The following MECR variants were observed in gnomAD, a reference collection of about 807,000 sequenced individuals.
The protein encoded by MECR is mitochondrial trans-2-enoyl-CoA reductase.
MECR carries 37 observed loss-of-function variants against 49.1 expected under a neutral mutation model. That is an observed-to-expected ratio of 0.75 (90% CI 0.58 to 0.99). MECR has a LOEUF of 0.99. Among genes scored for constraint, MECR ranks in the 50% least tolerant of loss-of-function variants. MECR has a pLI of 0.00. For missense variants in MECR, 470 were observed against 479.6 expected, an observed-to-expected ratio of 0.98 and a Z score of 0.19; for synonymous variants, 198 against 191.1, an observed-to-expected ratio of 1.04 and a Z score of -0.30.
At chr1:29,208,430 G>A (rs1294992759) in intron 3 of MECR, among the ~76,000 whole-genome samples, 2 of 152,216 alleles carry the variant, frequency 1.3e-5, no homozygotes, top group Non-Finnish European at 2.9e-5. Context: ...AATAGCACAG[G>A]CAAGAACAGC....
chr1:29,206,777 C>A lies in MECR; in HGVS notation c.535G>T (p.Glu179Ter). 6.2e-7 allele frequency: 1 copy of A among 1,614,030 alleles called. No homozygotes were observed. Among genetic ancestry groups the A allele is most frequent in the South Asian group, 1.1e-5 (1 of 91,066 alleles). ...GGGTTCCTACCTGGCTGCAGTTGCT[C>A]GAAGTCCATCAACATCCTGTAGGCT... ...CTAYRMLMDF[E>*]QLQPGDSVIQ... The change falls in exon 4 of 10, where the codon GAG becomes TAG. Residue 179 changes from glutamate to a stop codon, truncating the protein, a stop_gained. Transcript: ENST00000263702. LOFTEE classifies it high-confidence loss of function.
chr1:29,210,699 T>G (rs1344955824), intron 3 of MECR, among the ~76,000 whole-genome samples: 1 of 152,152 alleles, frequency 6.6e-6, no homozygotes, highest in South Asian at 2.1e-4. Flanking sequence ...GGGTTTCAAG[T>G]AGAACTCTTA....
At chr1:29,211,864 A>G (rs988646987) in intron 3 of MECR, among the ~76,000 whole-genome samples, 2 of 152,204 alleles carry the variant, frequency 1.3e-5, no homozygotes, top group African/African-American at 4.8e-5. Flanking sequence ...AAGGCTGGCT[A>G]TGGGCTTAGC....
At chr1:29,213,842 G>A (rs985502078) in intron 3 of MECR, among the ~76,000 whole-genome samples, 2 of 152,214 alleles carry the variant, frequency 1.3e-5, no homozygotes, top group African/African-American at 4.8e-5. Flanking sequence ...ATCTCATGTT[G>A]TGGGAACAAT....
At chr1:29,200,978 A>G (rs1188147196) in intron 6 of MECR, among the ~76,000 whole-genome samples, 10 of 152,098 alleles carry the variant, frequency 6.6e-5, no homozygotes, top group Admixed American at 6.6e-4. Context: ...GTTTTTTTGT[A>G]GAGACAGAGG....
intron 7 of MECR, among the ~76,000 whole-genome samples, chr1:29,199,619 CTTTTT>C (rs909108578): frequency 2.0e-5 from 3 of 149,744 alleles, no homozygotes; most frequent in African/African-American, 7.4e-5. Flanking sequence ...TGATAGGTAA[CTTTTT>C]TTTTTCTTTT....
intron 4 of MECR, 70 bp from the exon 5 acceptor site, chr1:29,203,303 G>C (rs1187351419): frequency 2.3e-5 from 30 of 1,282,266 alleles, no homozygotes; most frequent in Non-Finnish European, 2.6e-5. Context: ...CTCCCAGCCG[G>C]GGATCCTTCT....
At chr1:29,179,298 A>G in the MECR span, among the ~76,000 whole-genome samples, 11 of 152,336 alleles carry the variant, frequency 7.2e-5, no homozygotes, top group African/African-American at 2.6e-4. Context: ...CATGTCTTCA[A>G]CACCAATTAT....
At chr1:29,229,205 ATT>A (rs35185139) in intron 1 of MECR, among the ~76,000 whole-genome samples, 3 of 143,848 alleles carry the variant, frequency 2.1e-5, no homozygotes, top group East Asian at 2.0e-4. Flanking sequence ...ATCTAGCTTG[ATT>A]TTTTTTTTTT....
downstream of MECR, among the ~76,000 whole-genome samples, chr1:29,191,326 C>CA (rs1394842459): frequency 6.6e-6 from 1 of 151,764 alleles, no homozygotes; most frequent in African/African-American, 2.4e-5. Flanking sequence ...TTTTTTGAGA[C>CA]AGAGTCTCTC....
In MECR at chr1:29,193,668, C is replaced by A. The variant is rs149801664; in HGVS notation, c.*354G>T. 4.3e-6 allele frequency: 1 copy of A among 233,818 alleles called. No homozygotes were observed. Among genetic ancestry groups the A allele is most frequent in the Non-Finnish European group, 8.5e-6 (1 of 117,518 alleles). The allele number at this position is 233,818 out of a possible 1,614,324, so 14.5% of individuals were successfully genotyped here. Reference sequence around the variant, plus strand: ...GGATGGTGGCCTACTGGCCTTTGCACTGCCAGTACCCACCCAGGCTTTGCT... The same window carrying A: ...GGATGGTGGCCTACTGGCCTTTGCAATGCCAGTACCCACCCAGGCTTTGCT... On this transcript the variant is annotated 3_prime_UTR_variant, in exon 10 of 10. Transcript: ENST00000263702.
chr1:29,187,222 T>C, the MECR span, among the ~76,000 whole-genome samples: 1 of 152,166 alleles, frequency 6.6e-6, no homozygotes, highest in African/African-American at 2.4e-5. Context: ...GCTTTTCTCT[T>C]TTCTTTTTTG....
chr1:29,186,961 T>C, the MECR span, among the ~76,000 whole-genome samples: 1 of 152,250 alleles, frequency 6.6e-6, no homozygotes, highest in Non-Finnish European at 1.5e-5. Flanking sequence ...TTCTCTTTCA[T>C]AAGGTGCCAA....
At chr1:29,207,698 T>A (rs1676961166) in intron 3 of MECR, among the ~76,000 whole-genome samples, 1 of 152,022 alleles carries the variant, frequency 6.6e-6, no homozygotes, top group South Asian at 2.1e-4. Flanking sequence ...TATGATTGTG[T>A]GACTGCACTC....
the MECR span, among the ~76,000 whole-genome samples, chr1:29,183,546 G>A: frequency 6.6e-6 from 1 of 152,146 alleles, no homozygotes; most frequent in African/African-American, 2.4e-5. Flanking sequence ...TTGCCAATCT[G>A]AGAGGTGAAA....
chr1:29,208,389 T>C (rs1677133746), intron 3 of MECR, among the ~76,000 whole-genome samples: 1 of 152,256 alleles, frequency 6.6e-6, no homozygotes, highest in Non-Finnish European at 1.5e-5. Flanking sequence ...AGAAAATTCC[T>C]GTCACTGAGT....
the MECR span, among the ~76,000 whole-genome samples, chr1:29,174,987 T>TAAA: frequency 7.5e-6 from 1 of 134,166 alleles, no homozygotes; most frequent in East Asian, 2.1e-4. Flanking sequence ...GTTTTTTAAT[T>TAAA]AAAAAAAAAA....
the MECR span, among the ~76,000 whole-genome samples, chr1:29,183,983 G>A: frequency 3.3e-5 from 5 of 150,770 alleles, no homozygotes; most frequent in African/African-American, 7.3e-5. Context: ...GGGTTCAAGC[G>A]TTCTCCTTCC....
intron 1 of MECR, chr1:29,230,438 C>T (rs1553355028): frequency 2.5e-6 from 1 of 396,348 alleles, no homozygotes; most frequent in South Asian, 3.0e-5. Context: ...ATAACTACCC[C>T]AAAACATTGT....
Sources: gnomAD v4.1 joint callset for allele counts (sites outside exome capture counted in the v4.1 genomes callset) on GRCh38, gnomAD v4.1.1 for gene constraint, MANE v1.5 for transcripts, NCBI Gene and HGNC (gene_info 2026-07-23, HGNC 2026-07-21) for gene names.